The following PPP1R9A variants were observed in gnomAD, a reference collection of about 807,000 sequenced individuals.
The protein encoded by PPP1R9A is protein phosphatase 1 regulatory subunit 9A.
Under a neutral mutation model 141.9 loss-of-function variants are expected in PPP1R9A, and 59 were observed. The ratio of observed to expected loss-of-function variants is 0.42; its 90% confidence interval spans 0.34 to 0.52. PPP1R9A has a LOEUF of 0.52. PPP1R9A is among the 20% of genes least tolerant of loss of function. The pLI is 0.10. For missense variants in PPP1R9A, 1,444 were observed against 1,611.9 expected (o/e 0.90, Z 1.78); for synonymous variants, 500 against 569.7 (o/e 0.88, Z 1.74).
intron 16 of PPP1R9A, among the ~76,000 whole-genome samples, chr7:95,275,659 A>T (rs1803034455): frequency 6.6e-6 from 1 of 152,218 alleles, no homozygotes; most frequent in South Asian, 2.1e-4. Flanking sequence ...ACTAAGGAAG[A>T]AACACACTAA....
Position 95,295,028 on chromosome 7 carries a change from A to G in PPP1R9A, c.*4725A>G, listed in dbSNP as rs1182102886. On this transcript the variant is annotated 3_prime_UTR_variant, in exon 20 of 20. Coordinates refer to ENST00000433360, the MANE Select transcript of PPP1R9A (RefSeq NM_001166160.2). Reference sequence around the variant, plus strand: ...TTCAACAGTGAGTAAGATGTATGCAATAAGAGAACAGATAACTTCTCAACA... The same window carrying G: ...TTCAACAGTGAGTAAGATGTATGCAGTAAGAGAACAGATAACTTCTCAACA... The G allele has an allele frequency of 1.3e-5, 2 of 152,776 alleles. No individual in the cohort carries two copies. The highest frequency in any genetic ancestry group is 3.9e-4 in the East Asian group (2 of 5,176). 9.5% of individuals were successfully genotyped at this position (152,776 alleles called of 1,614,324 possible).
chr7:95,197,208 C>A (rs1046148596), intron 5 of PPP1R9A, among the ~76,000 whole-genome samples: 1 of 151,968 alleles, frequency 6.6e-6, no homozygotes, highest in Admixed American at 6.6e-5. Flanking sequence ...AAGATTTAAA[C>A]AAAGATTCAT....
intron 19 of PPP1R9A, 51 bp from the exon 20 acceptor site, chr7:95,290,040 A>AGAGG: frequency 6.2e-7 from 1 of 1,603,206 alleles, no homozygotes; most frequent in African/African-American, 1.3e-5. Context: ...TAACACCATC[A>AGAGG]GAGGGCTCAT....
At chr7:95,244,875 A>G (rs1057070595) in intron 8 of PPP1R9A, among the ~76,000 whole-genome samples, 5 of 152,182 alleles carry the variant, frequency 3.3e-5, no homozygotes, top group African/African-American at 1.2e-4. Context: ...TCACTTAATC[A>G]TCCAATAAGG....
chr7:95,058,059 G>C (rs757342954), intron 2 of PPP1R9A, among the ~76,000 whole-genome samples: 49 of 152,258 alleles, frequency 3.2e-4, no homozygotes, highest in Non-Finnish European at 6.6e-4. Flanking sequence ...TGTAACTGGA[G>C]AGTCTGATTC....
At chr7:95,195,280 GT>G (rs375295273) in intron 5 of PPP1R9A, among the ~76,000 whole-genome samples, 260 of 141,830 alleles carry the variant, frequency 1.8e-3, no homozygotes, top group Middle Eastern at 0.011. Flanking sequence ...AAAGCCATCA[GT>G]TTTTTTTTTT....
intron 5 of PPP1R9A, among the ~76,000 whole-genome samples, chr7:95,166,156 AAAAAAAAAAAG>A (rs1397194599): frequency 1.3e-5 from 2 of 151,462 alleles, no homozygotes; most frequent in Non-Finnish European, 2.9e-5. Flanking sequence ...TTCAAAAAAA[AAAAAAAAAAAG>A]AAAGAAAATT....
chr7:95,015,150 A>G (rs1804916461), intron 2 of PPP1R9A, among the ~76,000 whole-genome samples: 1 of 151,942 alleles, frequency 6.6e-6, no homozygotes, highest in Admixed American at 6.6e-5. Flanking sequence ...GTGAAAATTT[A>G]TAATGGATTA....
chr7:94,928,045 G>A (rs989278424), intron 2 of PPP1R9A, among the ~76,000 whole-genome samples: 1 of 152,164 alleles, frequency 6.6e-6, no homozygotes. Context: ...GCTTGCTGTG[G>A]TGCTCCTAAG....
At chr7:95,049,311 G>A (rs1810465208) in intron 2 of PPP1R9A, among the ~76,000 whole-genome samples, 1 of 152,226 alleles carries the variant, frequency 6.6e-6, no homozygotes, top group East Asian at 1.9e-4. Flanking sequence ...ACCTCCAGGG[G>A]ATAAACCACT....
At chr7:95,130,326 C>T (rs1824357401) in intron 4 of PPP1R9A, among the ~76,000 whole-genome samples, 1 of 152,166 alleles carries the variant, frequency 6.6e-6, no homozygotes, top group Non-Finnish European at 1.5e-5. Flanking sequence ...TGGCAGCTTC[C>T]ATATGGTGTT....
chr7:95,217,273 T>C (rs1445648691), intron 7 of PPP1R9A, among the ~76,000 whole-genome samples: 1 of 152,226 alleles, frequency 6.6e-6, no homozygotes, highest in Non-Finnish European at 1.5e-5. Flanking sequence ...ATTACGTTTA[T>C]TGATTTGCGT....
At chr7:95,212,532 A>G (rs1792346958) in intron 7 of PPP1R9A, among the ~76,000 whole-genome samples, 1 of 152,198 alleles carries the variant, frequency 6.6e-6, no homozygotes, top group African/African-American at 2.4e-5. Flanking sequence ...CCTACAGGCA[A>G]TTGTCCTTAT....
chr7:95,125,673 G>T (rs9649194), intron 4 of PPP1R9A, among the ~76,000 whole-genome samples: 92,676 of 151,988 alleles, frequency 0.61, 28,902 homozygotes, highest in African/African-American at 0.74. Flanking sequence ...TTGGACACAC[G>T]TTGTTTTTGG....
intron 2 of PPP1R9A, among the ~76,000 whole-genome samples, chr7:95,024,933 T>C (rs993535390): frequency 2.0e-5 from 3 of 152,182 alleles, no homozygotes; most frequent in Non-Finnish European, 4.4e-5. Context: ...CCTTTCCAAG[T>C]TTAGTGCTTC....
intron 14 of PPP1R9A, among the ~76,000 whole-genome samples, chr7:95,270,582 A>G (rs1802024677): frequency 6.6e-6 from 1 of 152,122 alleles, no homozygotes; most frequent in Non-Finnish European, 1.5e-5. Context: ...TTTTCTAGAG[A>G]TTTGTAAAAC....
At chr7:95,257,919 T>A (rs998458681) in intron 12 of PPP1R9A, among the ~76,000 whole-genome samples, 1 of 152,198 alleles carries the variant, frequency 6.6e-6, no homozygotes, top group Admixed American at 6.5e-5. Flanking sequence ...TCTATCATTG[T>A]TGGACATTTG....
chr7:95,175,212 G>T (rs1832724262), intron 5 of PPP1R9A: 1 of 152,020 alleles, frequency 6.6e-6, no homozygotes, highest in Admixed American at 6.6e-5. Context: ...GATCACTTGG[G>T]TCTATGTTAG....
chr7:95,236,106 CCAA>C, intron 8 of PPP1R9A, among the ~76,000 whole-genome samples: 1 of 152,086 alleles, frequency 6.6e-6, no homozygotes, highest in Middle Eastern at 3.2e-3. Context: ...TTTAATGTAA[CCAA>C]ACACCACCTG....
Sources: allele counts gnomAD v4.1 joint callset (sites outside exome capture counted in the v4.1 genomes callset), GRCh38; gene constraint gnomAD v4.1.1; transcripts MANE v1.5; gene names NCBI Gene and HGNC (gene_info 2026-07-23, HGNC 2026-07-21).